The following EEPD1 variants were observed in gnomAD, a reference collection of about 807,000 sequenced individuals.
The protein encoded by EEPD1 is endonuclease/exonuclease/phosphatase family domain-containing protein 1.
In EEPD1, 17 loss-of-function variants were observed where a neutral mutation model predicts 46.3. The ratio of observed to expected loss-of-function variants is 0.37; its 90% CI spans 0.25 to 0.55. EEPD1 has a LOEUF of 0.55. Ranked by LOEUF, EEPD1 falls within the 20% of genes least tolerant of loss-of-function variation. The pLI, the probability that EEPD1 is intolerant of heterozygous loss-of-function variation, is 0.83. For missense variants in EEPD1, 673 were observed against 745.6 expected (o/e 0.90, Z 1.13); for synonymous variants, 313 against 315.6 (o/e 0.99, Z 0.09).
chr7:36,284,779 G>C lies in EEPD1; in HGVS notation c.1135G>C (p.Gly379Arg). Residue 379 changes from glycine to arginine, a missense_variant, in exon 5 of 8, where the codon GGG (glycine) becomes CGG (arginine). By Grantham distance (125) the Gly-to-Arg change is moderately radical. Coordinates refer to ENST00000242108, the MANE Select transcript of EEPD1 (RefSeq NM_030636.3). ...GGAGAGCTCGCCAAGCAACGGGCAC[G>C]GGAAGCTGGCGGGCCCCAGCCCATA... ...SQESSPSNGH[G>R]KLAGPSPYLG... 1.3e-6 allele frequency: 2 copies of C among 1,591,696 alleles called. No individual in the cohort carries two copies. The highest frequency in any genetic ancestry group is 1.7e-6 in the Non-Finnish European group (2 of 1,168,352).
chr7:36,254,128 A>G (rs1220125419), intron 3 of EEPD1, among the ~76,000 whole-genome samples: 2 of 152,138 alleles, frequency 1.3e-5, no homozygotes, highest in African/African-American at 4.8e-5. Flanking sequence ...AGGATTTACC[A>G]TATGTATCTT....
intron 2 of EEPD1, among the ~76,000 whole-genome samples, chr7:36,203,245 G>A (rs73687000): frequency 0.014 from 2,192 of 152,250 alleles, 51 homozygotes; most frequent in African/African-American, 0.05. Flanking sequence ...GTGGGATTTC[G>A]CCTGGGTTCA....
In EEPD1 at chr7:36,154,537, C is replaced by T; in HGVS notation, c.213C>T (p.Ile71=). ...GCATCGTGGAGTACCGAGAGTATAT[C>T]GGTGGCTTCAAGAAGGTGGAGGACC... ...ARSIVEYREY[I]GGFKKVEDLA... The change falls in exon 2 of 8, where the codon ATC becomes ATT. Residue 71 remains isoleucine (I), a synonymous_variant. Coordinates refer to ENST00000242108, the MANE Select transcript of EEPD1 (RefSeq NM_030636.3). The surrounding 1 kb of genome is among the most constrained non-coding windows in gnomAD (Gnocchi z 4.2). 6.2e-7 allele frequency: 1 copy of T among 1,614,182 alleles called. No individual in the cohort carries two copies. Among genetic ancestry groups the T allele is most frequent in the Non-Finnish European group, 8.5e-7 (1 of 1,180,032 alleles).
At chr7:36,157,541 A>G (rs938216843) in intron 2 of EEPD1, among the ~76,000 whole-genome samples, 2 of 152,190 alleles carry the variant, frequency 1.3e-5, no homozygotes, top group Non-Finnish European at 2.9e-5. Context: ...TCGTCAGGCA[A>G]GAGTACAGGA....
chr7:36,226,550 G>C (rs1483595782), intron 2 of EEPD1, among the ~76,000 whole-genome samples: 5 of 152,178 alleles, frequency 3.3e-5, no homozygotes, highest in Admixed American at 3.3e-4. Context: ...CTACTCAAAT[G>C]CTTGGGAAAT....
chr7:36,260,987 A>ATGATTTTATATAGT (rs1786913126), intron 3 of EEPD1, among the ~76,000 whole-genome samples: 1 of 152,210 alleles, frequency 6.6e-6, no homozygotes, highest in African/African-American at 2.4e-5. Context: ...ATAGATTATA[A>ATGATTTTATATAGT]ACAAATACTG....
intron 2 of EEPD1, among the ~76,000 whole-genome samples, chr7:36,210,718 T>A (rs1785913392): frequency 6.6e-6 from 1 of 152,090 alleles, no homozygotes. Flanking sequence ...ACCTGCGCAT[T>A]TGCTGCTGCC....
At chr7:36,289,847 C>A (rs1787400873) in intron 6 of EEPD1, among the ~76,000 whole-genome samples, 3 of 152,222 alleles carry the variant, frequency 2.0e-5, no homozygotes, top group Admixed American at 2.0e-4. Flanking sequence ...ATCCATCCAC[C>A]ATAGTTTGTT....
chr7:36,271,720 C>CTTCTAGGGTTTTG, intron 3 of EEPD1, among the ~76,000 whole-genome samples: 1 of 55,332 alleles, frequency 1.8e-5, no homozygotes, highest in African/African-American at 6.1e-5. Flanking sequence ...CCTAGGTTTT[C>CTTCTAGGGTTTTG]ATGGTTTTAG....
At chr7:36,166,275 C>CA (rs1269023244) in intron 2 of EEPD1, among the ~76,000 whole-genome samples, 1 of 152,090 alleles carries the variant, frequency 6.6e-6, no homozygotes, top group East Asian at 1.9e-4. Context: ...GAATTTGTAA[C>CA]AAAAAATGCA....
At chr7:36,235,917 G>C (rs1445201494) in intron 2 of EEPD1, among the ~76,000 whole-genome samples, 1 of 148,660 alleles carries the variant, frequency 6.7e-6, no homozygotes, top group African/African-American at 2.5e-5. Context: ...ATTGTCTCTA[G>C]AACTTTTTCC....
At chr7:36,172,888 G>A (rs569507836) in intron 2 of EEPD1, among the ~76,000 whole-genome samples, 1 of 136,020 alleles carries the variant, frequency 7.4e-6, no homozygotes, top group Admixed American at 7.8e-5. Context: ...ACTAGTGTCT[G>A]AAGGCTGGGG....
chr7:36,244,162 G>A (rs979142916), intron 3 of EEPD1, among the ~76,000 whole-genome samples: 32 of 152,074 alleles, frequency 2.1e-4, no homozygotes, highest in African/African-American at 7.5e-4. Flanking sequence ...ATGCAGCTGA[G>A]CTTCAAATGA....
At chr7:36,221,746 A>G (rs17170539) in intron 2 of EEPD1, among the ~76,000 whole-genome samples, 12,622 of 152,304 alleles carry the variant, frequency 0.083, 835 homozygotes, top group African/African-American at 0.19. Flanking sequence ...TCAGATAAAT[A>G]TAATAACTGT....
chr7:36,160,223 T>C (rs1784880772), intron 2 of EEPD1, among the ~76,000 whole-genome samples: 1 of 152,228 alleles, frequency 6.6e-6, no homozygotes, highest in African/African-American at 2.4e-5. Context: ...TATCAGGCTC[T>C]GGTAATAAAG....
chr7:36,168,000 G>A (rs887987942), intron 2 of EEPD1, among the ~76,000 whole-genome samples: 10 of 152,162 alleles, frequency 6.6e-5, no homozygotes, highest in Admixed American at 6.5e-4. Flanking sequence ...GCCAACCCAA[G>A]TGGGGCTTTC....
rs1244015915 is a variant in EEPD1, at chr7:36,284,799, C to T, written c.1155C>T (p.Ser385=). Residue 385 remains serine, a synonymous_variant, in exon 5 of 8, where the codon AGC becomes AGT. Transcript: ENST00000242108. ...SNGHGKLAGP[S]PYLGRFKVGS... ...GGCACGGGAAGCTGGCGGGCCCCAG[C>T]CCATACCTCGGGAGGTTCAAGGTAC... is the stretch of plus-strand genomic sequence containing the variant. The T allele has an allele frequency of 1.3e-6, 2 of 1,562,872 alleles. No individual in the cohort carries two copies. The highest frequency in any genetic ancestry group is 8.7e-7 in the Non-Finnish European group (1 of 1,153,448).
intron 3 of EEPD1, among the ~76,000 whole-genome samples, chr7:36,240,478 A>T (rs953581056): frequency 1.3e-5 from 2 of 152,190 alleles, no homozygotes; most frequent in Admixed American, 6.5e-5. Flanking sequence ...GTGAGAAGCA[A>T]ATGAGTTAAT....
At chr7:36,219,565 G>A (rs955980700) in intron 2 of EEPD1, among the ~76,000 whole-genome samples, 10 of 146,808 alleles carry the variant, frequency 6.8e-5, no homozygotes, top group Non-Finnish European at 1.3e-4. Context: ...GGGAAGGGAG[G>A]GGAGAGAGAA....
Sources: allele counts gnomAD v4.1 joint callset (sites outside exome capture counted in the v4.1 genomes callset), GRCh38; gene constraint gnomAD v4.1.1; non-coding constraint Gnocchi (gnomAD v3.1); transcripts MANE v1.5; gene names NCBI Gene and HGNC (gene_info 2026-07-23, HGNC 2026-07-21).